The following FRMD5 variants were observed in gnomAD, a reference collection of about 807,000 sequenced individuals.
The protein encoded by FRMD5 is FERM domain-containing protein 5.
A neutral mutation model predicts 69.0 loss-of-function variants in FRMD5; 20 were observed. That is an observed-to-expected ratio of 0.29 (90% confidence interval 0.20 to 0.42). The LOEUF is 0.42. Among genes scored for constraint, FRMD5 ranks in the 10% least tolerant of loss-of-function variants. The probability of loss-of-function intolerance (pLI) is 1.00; values close to 1 mark genes in which losing one functional copy is unlikely to be tolerated. For missense variants in FRMD5, 595 were observed against 708.6 expected, an observed-to-expected ratio of 0.84 and a Z score of 1.82; for synonymous variants, 271 against 260.1, an observed-to-expected ratio of 1.04 and a Z score of -0.40.
chr15:43,967,568 T>C (rs541536605), intron 1 of FRMD5, among the ~76,000 whole-genome samples: 3 of 152,272 alleles, frequency 2.0e-5, no homozygotes, highest in Non-Finnish European at 4.4e-5. Context: ...CTGCATAACA[T>C]CCTATAAGGT....
chr15:44,062,105 T>C (rs966433362), intron 1 of FRMD5, among the ~76,000 whole-genome samples: 2 of 152,250 alleles, frequency 1.3e-5, no homozygotes, highest in South Asian at 2.1e-4. Flanking sequence ...GTAGTCTGTA[T>C]ACTCTTTCAC....
At chr15:44,014,338 G>A (rs890430813) in intron 1 of FRMD5, among the ~76,000 whole-genome samples, 2 of 152,084 alleles carry the variant, frequency 1.3e-5, no homozygotes, top group African/African-American at 2.4e-5. Flanking sequence ...GTAAGGACTC[G>A]GGCCAAACTT....
At position 44,007,345 on chromosome 15, in the gene FRMD5, T is replaced by C. The variant is rs1364926167; in HGVS notation, c.103-83036A>G. Among the ~76,000 whole-genome samples, 2 of 152,154 alleles carry C rather than the reference T, an allele frequency of 1.3e-5. 1 individual carries two copies. Among genetic ancestry groups the C allele is most frequent in the Admixed American group, 1.3e-4 (2 of 15,274 alleles). On this transcript the variant is annotated intron_variant, in intron 1 of 13. Coordinates refer to ENST00000417257, the MANE Select transcript of FRMD5 (RefSeq NM_032892.5). Reference sequence around the variant, plus strand: ...TATTGCACTATCCACTTTATTGCGGTGGTCTGGAACTGATTCTGCAATATC... The same window carrying C: ...TATTGCACTATCCACTTTATTGCGGCGGTCTGGAACTGATTCTGCAATATC...
intron 1 of FRMD5, among the ~76,000 whole-genome samples, chr15:44,155,162 C>G (rs945340194): frequency 6.6e-6 from 1 of 152,074 alleles, no homozygotes; most frequent in Non-Finnish European, 1.5e-5. Flanking sequence ...TGGCCAGGCA[C>G]GGTGGCTCAC....
chr15:43,933,960 C>T (rs1276138225), intron 1 of FRMD5, among the ~76,000 whole-genome samples: 2 of 152,224 alleles, frequency 1.3e-5, no homozygotes, highest in Non-Finnish European at 2.9e-5. Context: ...TGTTCCAGAA[C>T]ATGTCCTATC....
chr15:43,897,621 T>G (rs1303442506), intron 7 of FRMD5, among the ~76,000 whole-genome samples: 2 of 151,182 alleles, frequency 1.3e-5, no homozygotes, highest in Non-Finnish European at 2.9e-5. Flanking sequence ...AGAGGGACAG[T>G]GTAATTTTAT....
At chr15:43,899,623 G>A (rs939404312) in intron 7 of FRMD5, among the ~76,000 whole-genome samples, 1 of 152,176 alleles carries the variant, frequency 6.6e-6, no homozygotes, top group African/African-American at 2.4e-5. Flanking sequence ...GCCATGGGAG[G>A]CATACCACAA....
chr15:44,090,711 A>G (rs2076459751), intron 1 of FRMD5, among the ~76,000 whole-genome samples: 1 of 152,184 alleles, frequency 6.6e-6, no homozygotes, highest in South Asian at 2.1e-4. Flanking sequence ...AAGTGCTGGG[A>G]TTATAGGCGT....
At chr15:44,057,295 G>A (rs895657003) in intron 1 of FRMD5, among the ~76,000 whole-genome samples, 3 of 151,870 alleles carry the variant, frequency 2.0e-5, no homozygotes, top group Admixed American at 6.6e-5. Context: ...TAGTAGAGAC[G>A]GGGTTTCACC....
At chr15:44,004,169 T>C (rs1312122078) in intron 1 of FRMD5, among the ~76,000 whole-genome samples, 1 of 152,340 alleles carries the variant, frequency 6.6e-6, no homozygotes, top group East Asian at 1.9e-4. Context: ...AATGTGTCCT[T>C]ACAAGAAATT....
intron 1 of FRMD5, 108 bp downstream of exon 1, chr15:44,194,845 G>T: frequency 1.1e-6 from 1 of 934,578 alleles, no homozygotes; most frequent in East Asian, 2.7e-5. Context: ...GACAAAGCAC[G>T]GCGCTGGGGC....
At chr15:43,953,342 C>CTGCTTTCTGGGA (rs2090066263) in intron 1 of FRMD5, among the ~76,000 whole-genome samples, 2 of 152,226 alleles carry the variant, frequency 1.3e-5, no homozygotes, top group African/African-American at 4.8e-5. Flanking sequence ...GGGATTTTCT[C>CTGCTTTCTGGGA]TGGTAGCATC....
At chr15:44,139,524 T>G (rs934337082) in intron 1 of FRMD5, among the ~76,000 whole-genome samples, 4 of 151,452 alleles carry the variant, frequency 2.6e-5, no homozygotes, top group Non-Finnish European at 5.9e-5. Flanking sequence ...ATCAGGAAGG[T>G]GCAAAAGAAA....
At chr15:43,883,251 C>T (rs975108565) in intron 13 of FRMD5, among the ~76,000 whole-genome samples, 2 of 152,100 alleles carry the variant, frequency 1.3e-5, no homozygotes, top group African/African-American at 4.8e-5. Context: ...TCATGTGCCA[C>T]CACGCCCAGC....
At chr15:44,127,430 T>C (rs2077039145) in intron 1 of FRMD5, among the ~76,000 whole-genome samples, 1 of 152,150 alleles carries the variant, frequency 6.6e-6, no homozygotes, top group Admixed American at 6.5e-5. Flanking sequence ...GTAAGAGACT[T>C]ATACCCAGAT....
chr15:43,888,717 G>A, intron 9 of FRMD5, 92 bp downstream of exon 9: 1 of 1,022,042 alleles, frequency 9.8e-7, no homozygotes, highest in Non-Finnish European at 1.5e-6. Context: ...TGGGTAGCTT[G>A]GCTCTACTGG....
At chr15:44,153,486 A>C (rs1303660629) in intron 1 of FRMD5, among the ~76,000 whole-genome samples, 1 of 152,232 alleles carries the variant, frequency 6.6e-6, no homozygotes, top group Non-Finnish European at 1.5e-5. Flanking sequence ...ATACTGTATG[A>C]TTCCATTTAT....
intron 1 of FRMD5, among the ~76,000 whole-genome samples, chr15:43,962,866 A>C (rs2090226980): frequency 1.3e-5 from 2 of 152,260 alleles, no homozygotes; most frequent in African/African-American, 4.8e-5. Flanking sequence ...CAGAAAGCTG[A>C]AACTGGATCG....
intron 7 of FRMD5, among the ~76,000 whole-genome samples, chr15:43,899,951 G>A (rs2089004993): frequency 6.7e-6 from 1 of 149,410 alleles, no homozygotes; most frequent in African/African-American, 2.5e-5. Flanking sequence ...CGGGCTCACT[G>A]TCTGCCCATC....
Sources: gnomAD v4.1 joint callset for allele counts (sites outside exome capture counted in the v4.1 genomes callset) on GRCh38, gnomAD v4.1.1 for gene constraint, MANE v1.5 for transcripts, NCBI Gene and HGNC (gene_info 2026-07-23, HGNC 2026-07-21) for gene names.